Variants in ASIP observed in about 807,000 individuals in gnomAD.
ASIP encodes the protein agouti-signaling protein.
In ASIP, 11 loss-of-function variants were observed where a neutral mutation model predicts 10.3. That is an observed-to-expected ratio of 1.07 (90% CI 0.68 to 1.78). ASIP has a LOEUF of 1.78. Among genes scored for constraint, ASIP ranks in the 40% most tolerant of loss-of-function variants. The probability of loss-of-function intolerance (pLI) is 0.00; values close to 1 mark genes in which losing one functional copy is unlikely to be tolerated. For synonymous variants in ASIP, 70 were observed against 70.8 expected, an observed-to-expected ratio of 0.99 and a Z score of 0.06; for missense variants, 180 against 169.2, an observed-to-expected ratio of 1.06 and a Z score of -0.35.
At chr20:34,262,379 C>T (rs1032722198) in intron 2 of ASIP, among the ~76,000 whole-genome samples, 1 of 152,192 alleles carries the variant, frequency 6.6e-6, no homozygotes, top group Non-Finnish European at 1.5e-5. Context: ...CAAATCAGGT[C>T]CTCCTGGCTC....
At chr20:34,249,415 C>T (rs2035437634) in intron 1 of ASIP, among the ~76,000 whole-genome samples, 1 of 151,866 alleles carries the variant, frequency 6.6e-6, no homozygotes, top group African/African-American at 2.4e-5. Flanking sequence ...ATATGACTTA[C>T]TGCTGAAACT....
At chr20:34,258,700 A>ATACACACATAC (rs2035623850) in intron 1 of ASIP, among the ~76,000 whole-genome samples, 3 of 77,918 alleles carry the variant, frequency 3.9e-5, no homozygotes, top group Admixed American at 3.6e-4. Context: ...TACATACTAT[A>ATACACACATAC]TATATATATT....
chr20:34,251,179 C>A (rs113284893), intron 1 of ASIP, among the ~76,000 whole-genome samples: 4 of 152,296 alleles, frequency 2.6e-5, no homozygotes, highest in African/African-American at 9.6e-5. Context: ...CTCTTTTCCA[C>A]AACTTAGTCA....
chr20:34,197,309 A>G (rs2122531737), intron 1 of ASIP, among the ~76,000 whole-genome samples: 1 of 152,234 alleles, frequency 6.6e-6, no homozygotes, highest in Admixed American at 6.5e-5. Flanking sequence ...TGCGGTGAGC[A>G]GAGATCGTGC....
chr20:34,269,203 C>T lies in ASIP; in HGVS notation c.*36C>T. 2 of 1,448,494 alleles carry T rather than the reference C, an allele frequency of 1.4e-6. No individual in the cohort carries two copies. Among genetic ancestry groups the T allele is most frequent in the Non-Finnish European group, 1.8e-6 (2 of 1,104,044 alleles). 89.7% of individuals were successfully genotyped at this position (1,448,494 alleles called of 1,614,324 possible). A position where few individuals can be genotyped will look rare whatever the true frequency, so the allele number is the denominator to read the frequency against. On this transcript the variant is annotated 3_prime_UTR_variant, in exon 4 of 4. Transcript: ENST00000374954. The stretch of plus-strand genomic sequence containing the variant: ...TCCCGGCCGCGAGCAGGCAGGGCTT[C>T]GGGGACGCGGGGCGCTTCTCGGGCG...
intron 1 of ASIP, among the ~76,000 whole-genome samples, chr20:34,220,566 G>T (rs927267500): frequency 7.3e-5 from 11 of 151,264 alleles, no homozygotes; most frequent in Middle Eastern, 3.4e-3. Context: ...CTGCACTCCA[G>T]CCTGGATGAC....
At chr20:34,207,004 T>C (rs771602453) in intron 1 of ASIP, among the ~76,000 whole-genome samples, 40 of 152,358 alleles carry the variant, frequency 2.6e-4, no homozygotes, top group Middle Eastern at 3.4e-3. Context: ...ATTCCTTTCT[T>C]TTGGAAATAT....
In ASIP at chr20:34,258,107, G is replaced by T. The variant is rs541715995; in HGVS notation, c.-10-2258G>T. ...TGCAGTAAGCCAAGATCGCACCACT[G>T]CACTCCATCCTGGGCAACAGAGTGA... On this transcript the variant is annotated intron_variant, in intron 1 of 3. Transcript: ENST00000374954. 3.3e-5 allele frequency among the ~76,000 whole-genome samples: 5 copies of T among 151,740 alleles called. No individual in the cohort carries two copies. In the East Asian group the frequency reaches 7.7e-4, roughly 24 times the overall value.
At chr20:34,263,669 T>TC in intron 3 of ASIP, among the ~76,000 whole-genome samples, 1 of 151,454 alleles carries the variant, frequency 6.6e-6, no homozygotes, top group African/African-American at 2.4e-5. Flanking sequence ...GTCTTTTTTT[T>TC]TTTTTCTTTT....
intron 1 of ASIP, among the ~76,000 whole-genome samples, chr20:34,217,649 C>A (rs2035018205): frequency 6.6e-6 from 1 of 152,098 alleles, no homozygotes; most frequent in East Asian, 2.0e-4. Context: ...GCAACCTCCG[C>A]CTCTTGGGTT....
intron 1 of ASIP, chr20:34,246,403 C>T (rs1338105081): frequency 2.2e-6 from 3 of 1,363,576 alleles, no homozygotes; most frequent in Non-Finnish European, 3.1e-6. Context: ...CAACATCAGG[C>T]ATATATTCAC....
At chr20:34,251,309 C>T (rs909254912) in intron 1 of ASIP, among the ~76,000 whole-genome samples, 8 of 151,496 alleles carry the variant, frequency 5.3e-5, no homozygotes, top group African/African-American at 7.3e-5. Flanking sequence ...CTCGCTCCGT[C>T]GCCCAGGCTG....
intron 1 of ASIP, among the ~76,000 whole-genome samples, chr20:34,204,447 G>A (rs2034921851): frequency 6.6e-6 from 1 of 152,092 alleles, no homozygotes; most frequent in Admixed American, 6.5e-5. Flanking sequence ...TTGAACTCCT[G>A]ACCTCAGGTG....
chr20:34,251,819 G>A (rs2035481605), intron 1 of ASIP, among the ~76,000 whole-genome samples: 1 of 152,156 alleles, frequency 6.6e-6, no homozygotes, highest in Admixed American at 6.5e-5. Context: ...CTTCCACCTT[G>A]TGAGATTAGA....
upstream of ASIP, among the ~76,000 whole-genome samples, chr20:34,192,815 A>T (rs545773572): frequency 3.5e-4 from 53 of 152,276 alleles, no homozygotes; most frequent in Admixed American, 2.5e-3. Flanking sequence ...TAAAACATTT[A>T]AAAAAATTTT....
chr20:34,237,975 C>G (rs554303919), upstream of ASIP, among the ~76,000 whole-genome samples: 1 of 152,240 alleles, frequency 6.6e-6, no homozygotes, highest in Non-Finnish European at 1.5e-5. Flanking sequence ...AGCCCACAGC[C>G]TCTGGCCTCC....
At chr20:34,195,293 C>T (rs1267183353) in intron 1 of ASIP, among the ~76,000 whole-genome samples, 3 of 152,032 alleles carry the variant, frequency 2.0e-5, no homozygotes, top group Non-Finnish European at 4.4e-5. Context: ...AAACCCAGGG[C>T]GTAAATGGAA....
At chr20:34,256,938 T>C (rs1041543804) in intron 1 of ASIP, among the ~76,000 whole-genome samples, 5 of 152,144 alleles carry the variant, frequency 3.3e-5, no homozygotes, top group African/African-American at 1.2e-4. Flanking sequence ...GTGCCGCCAC[T>C]CCCTGCTAAG....
intron 1 of ASIP, among the ~76,000 whole-genome samples, chr20:34,208,740 A>C (rs1337696166): frequency 2.0e-5 from 3 of 152,222 alleles, no homozygotes; most frequent in African/African-American, 7.2e-5. Flanking sequence ...TGATTCTTCC[A>C]ATCTATGAAC....
Sources: allele counts gnomAD v4.1 joint callset (sites outside exome capture counted in the v4.1 genomes callset), GRCh38; gene constraint gnomAD v4.1.1; transcripts MANE v1.5; gene names NCBI Gene and HGNC (gene_info 2026-07-23, HGNC 2026-07-21).